The following COL21A1 variants were observed in gnomAD, a reference collection of about 807,000 sequenced individuals.
The protein encoded by COL21A1 is collagen alpha-1(XXI) chain.
In COL21A1, 149 loss-of-function variants were observed where a neutral mutation model predicts 137.9. That is an observed-to-expected ratio of 1.08 (90% CI 0.95 to 1.24). The LOEUF is 1.24. Among genes scored for constraint, COL21A1 ranks in the 50% most tolerant of loss-of-function variants. The probability of loss-of-function intolerance (pLI) is 0.00; values close to 1 mark genes in which losing one functional copy is unlikely to be tolerated. For synonymous variants in COL21A1, 456 were observed against 391.5 expected (o/e 1.16, Z -1.95); for missense variants, 1,167 against 1,158.4 (o/e 1.01, Z -0.11).
At chr6:56,084,213 A>G (rs1246597141) in intron 17 of COL21A1, among the ~76,000 whole-genome samples, 8 of 125,212 alleles carry the variant, frequency 6.4e-5, no homozygotes, top group Non-Finnish European at 1.0e-4. Flanking sequence ...AAGTATGCAG[A>G]AAAAATATAT....
chr6:56,100,966 T>C (rs145418666), intron 17 of COL21A1, among the ~76,000 whole-genome samples: 2,887 of 152,304 alleles, frequency 0.019, 43 homozygotes, highest in Non-Finnish European at 0.028. Flanking sequence ...ATTTAAATGT[T>C]GGCCACGAGT....
At chr6:56,260,701 C>A (rs201397164) in intron 1 of COL21A1, among the ~76,000 whole-genome samples, 20,084 of 124,458 alleles carry the variant, frequency 0.16, 2,324 homozygotes, top group East Asian at 0.51. Context: ...GGCAGGCAGG[C>A]AGGCAGGCAG....
intron 16 of COL21A1, among the ~76,000 whole-genome samples, chr6:56,118,639 G>A (rs1772153863): frequency 6.6e-6 from 1 of 151,872 alleles, no homozygotes; most frequent in African/African-American, 2.4e-5. Flanking sequence ...CAAAACTACA[G>A]GCCAATATCT....
chr6:56,057,558 T>TGAAAAA lies in COL21A1; in HGVS notation c.*98_*99insTTTTTC. 9.0e-7 allele frequency: 1 copy of TGAAAAA among 1,113,038 alleles called. No individual in the cohort carries two copies. Among genetic ancestry groups the TGAAAAA allele is most frequent in the Admixed American group, 2.3e-5 (1 of 42,618 alleles). 68.9% of individuals were successfully genotyped at this position (1,113,038 alleles called of 1,614,324 possible). ...AAAAAAATAAAAACACCGAGGTACT[T>TGAAAAA]AAGTTTCTTTTCAAGGGATTACTGT... On this transcript the variant is annotated 3_prime_UTR_variant, in exon 30 of 30. Transcript: ENST00000244728.
intron 16 of COL21A1, among the ~76,000 whole-genome samples, chr6:56,107,828 G>A (rs544838651): frequency 1.1e-4 from 16 of 152,238 alleles, no homozygotes; most frequent in African/African-American, 3.6e-4. Flanking sequence ...AAAGGTGCTG[G>A]TGACAAACAC....
chr6:56,089,211 C>T (rs1768554716), intron 17 of COL21A1, among the ~76,000 whole-genome samples: 1 of 152,132 alleles, frequency 6.6e-6, no homozygotes, highest in African/African-American at 2.4e-5. Context: ...AAAATAGCAA[C>T]AGGAGGTGGC....
chr6:56,128,987 C>G (rs1192834443), intron 12 of COL21A1, among the ~76,000 whole-genome samples: 2 of 152,148 alleles, frequency 1.3e-5, no homozygotes, highest in Non-Finnish European at 2.9e-5. Context: ...GTACAACTCT[C>G]CCTCCTCTCC....
chr6:56,085,927 T>A (rs894878470), intron 17 of COL21A1, among the ~76,000 whole-genome samples: 2 of 148,474 alleles, frequency 1.3e-5, no homozygotes, highest in South Asian at 4.2e-4. Context: ...ATATTCATAA[T>A]ACAGATAATT....
chr6:56,205,214 A>T (rs970941331), intron 1 of COL21A1, among the ~76,000 whole-genome samples: 6 of 152,226 alleles, frequency 3.9e-5, no homozygotes, highest in Non-Finnish European at 8.8e-5. Flanking sequence ...TCTAACCCAA[A>T]GCAAGGAAGC....
chr6:56,090,224 C>A (rs919228508), intron 17 of COL21A1, among the ~76,000 whole-genome samples: 53 of 152,022 alleles, frequency 3.5e-4, no homozygotes, highest in African/African-American at 1.3e-3. Context: ...GGCAACAGAG[C>A]AAGACTCCAT....
chr6:56,391,448 C>T (rs1465858921), intron 1 of COL21A1, among the ~76,000 whole-genome samples: 2 of 151,802 alleles, frequency 1.3e-5, no homozygotes, highest in East Asian at 1.9e-4. Flanking sequence ...TCAGAGTAGA[C>T]ATAAATGTAA....
At chr6:56,277,072 G>C (rs1195832669) in intron 1 of COL21A1, among the ~76,000 whole-genome samples, 1 of 151,878 alleles carries the variant, frequency 6.6e-6, no homozygotes, top group Non-Finnish European at 1.5e-5. Flanking sequence ...CGCCCGCCTC[G>C]ACCTCCCAAA....
Position 56,168,259 on chromosome 6 carries a change from T to A in COL21A1, c.1065A>T (p.Leu355Phe). 6.4e-7 allele frequency: 1 copy of A among 1,557,518 alleles called. No homozygotes were observed. Among genetic ancestry groups the A allele is most frequent in the Non-Finnish European group, 8.7e-7 (1 of 1,146,434 alleles). Residue 355 changes from leucine to phenylalanine, a missense_variant, in exon 6 of 30, where the codon TTA (leucine) becomes TTT (phenylalanine). Physicochemically the swap from Leu to Phe is conservative, Grantham distance 22. Coordinates refer to ENST00000244728, the MANE Select transcript of COL21A1 (RefSeq NM_030820.4). The stretch of plus-strand genomic sequence containing the variant: ...ACAAAGTCACATCTTGTTCTGTTAC[T>A]AAGAGACGAATTTGGTGCCAGCCTT... ...FDEGWHQIRL[L>F]VTEQDVTLYI... is the part of the protein sequence containing the mutation.
intron 1 of COL21A1, among the ~76,000 whole-genome samples, chr6:56,340,127 C>T (rs1026848972): frequency 6.6e-6 from 1 of 152,140 alleles, no homozygotes; most frequent in East Asian, 1.9e-4. Flanking sequence ...TTTAGAGATA[C>T]ATTGTTTTTC....
intron 19 of COL21A1, 52 bp downstream of exon 19, chr6:56,075,427 A>T: frequency 7.2e-7 from 1 of 1,385,250 alleles, no homozygotes; most frequent in Non-Finnish European, 9.9e-7. Flanking sequence ...CCTAGTAGGT[A>T]GTAGCAACAC....
intron 1 of COL21A1, among the ~76,000 whole-genome samples, chr6:56,197,771 G>A (rs191568467): frequency 1.8e-4 from 27 of 152,148 alleles, no homozygotes; most frequent in African/African-American, 6.5e-4. Context: ...AATTGGTACA[G>A]CCATTATGAA....
At chr6:56,150,178 A>G (rs1775180942) in intron 10 of COL21A1, among the ~76,000 whole-genome samples, 2 of 152,170 alleles carry the variant, frequency 1.3e-5, no homozygotes, top group African/African-American at 4.8e-5. Flanking sequence ...GCTCCATAGA[A>G]GGCTGCCCCT....
intron 17 of COL21A1, among the ~76,000 whole-genome samples, chr6:56,079,847 C>A (rs1320271642): frequency 2.0e-5 from 3 of 151,446 alleles, no homozygotes; most frequent in African/African-American, 7.3e-5. Context: ...ACTTCTTTTA[C>A]AAATACCAAG....
At chr6:56,271,484 G>A (rs563116581) in intron 1 of COL21A1, among the ~76,000 whole-genome samples, 1 of 152,316 alleles carries the variant, frequency 6.6e-6, no homozygotes, top group African/African-American at 2.4e-5. Flanking sequence ...TGTTTAAAAG[G>A]GAAGCAGAGC....
Sources: allele counts gnomAD v4.1 joint callset (sites outside exome capture counted in the v4.1 genomes callset), GRCh38; gene constraint gnomAD v4.1.1; transcripts MANE v1.5; gene names NCBI Gene and HGNC (gene_info 2026-07-23, HGNC 2026-07-21).